DPF3: variants seen among roughly 807,000 people sequenced by gnomAD.
DPF3 encodes double PHD fingers 3.
DPF3 carries 18 observed loss-of-function variants against 56.8 expected under a neutral mutation model. The ratio of observed to expected loss-of-function variants is 0.32; its 90% CI spans 0.22 to 0.47. The LOEUF (loss-of-function observed/expected upper bound fraction) is 0.47. Ranked by LOEUF, DPF3 falls within the 20% of genes least tolerant of loss-of-function variation. DPF3 has a pLI of 1.00. For synonymous variants in DPF3, 188 were observed against 180.2 expected, an observed-to-expected ratio of 1.04 and a Z score of -0.35; for missense variants, 403 against 488.8, an observed-to-expected ratio of 0.82 and a Z score of 1.65.
chr14:72,756,898 A>AAAAAAAGAAAGAAAGAAAGAAAG (rs1890841428), intron 2 of DPF3, among the ~76,000 whole-genome samples: 1 of 42,822 alleles, frequency 2.3e-5, no homozygotes, highest in African/African-American at 1.4e-4. Flanking sequence ...AGAAAGAAAG[A>AAAAAAAGAAAGAAAGAAAGAAAG]AAAGAAAAAA....
At chr14:72,754,335 A>G (rs1890702977) in intron 2 of DPF3, among the ~76,000 whole-genome samples, 1 of 152,186 alleles carries the variant, frequency 6.6e-6, no homozygotes, top group East Asian at 1.9e-4. Flanking sequence ...GATACCCCCC[A>G]TAATAAACCA....
intron 1 of DPF3, among the ~76,000 whole-genome samples, chr14:72,776,450 G>A (rs1891747318): frequency 6.6e-6 from 1 of 152,112 alleles, no homozygotes; most frequent in Non-Finnish European, 1.5e-5. Flanking sequence ...AGCTCTGAGA[G>A]CTGAGTGTTT....
At chr14:72,764,692 C>A (rs932681783) in intron 2 of DPF3, among the ~76,000 whole-genome samples, 6 of 151,804 alleles carry the variant, frequency 4.0e-5, no homozygotes, top group African/African-American at 1.5e-4. Flanking sequence ...GGGGTTTCAC[C>A]GTGTTAGCCA....
chr14:72,720,423 G>A (rs1889119861), intron 5 of DPF3, among the ~76,000 whole-genome samples: 1 of 152,208 alleles, frequency 6.6e-6, no homozygotes, highest in Admixed American at 6.5e-5. Flanking sequence ...CAGGAGGCTT[G>A]CCCACAGCCT....
At chr14:72,824,056 G>A (rs955345239) in intron 1 of DPF3, among the ~76,000 whole-genome samples, 3 of 152,198 alleles carry the variant, frequency 2.0e-5, no homozygotes, top group Middle Eastern at 3.4e-3. Flanking sequence ...GTGAGGAGAG[G>A]CAAAGAAATA....
intron 3 of DPF3, among the ~76,000 whole-genome samples, chr14:72,745,752 C>T (rs1890298279): frequency 6.6e-6 from 1 of 152,190 alleles, no homozygotes; most frequent in Non-Finnish European, 1.5e-5. Context: ...TCTCCAGAGA[C>T]TCTGGCCAAT....
chr14:72,834,560 G>C (rs902806077), intron 1 of DPF3, among the ~76,000 whole-genome samples: 5 of 147,746 alleles, frequency 3.4e-5, no homozygotes, highest in Non-Finnish European at 5.9e-5. Flanking sequence ...GAGTCACAAA[G>C]AGGTAGAGGA....
intron 8 of DPF3, among the ~76,000 whole-genome samples, chr14:72,646,705 G>A (rs1008152754): frequency 1.3e-5 from 2 of 152,124 alleles, no homozygotes; most frequent in East Asian, 1.9e-4. Context: ...GCCTCCATGC[G>A]GAATTTTTCC....
chr14:72,783,556 A>G (rs1599437658), intron 1 of DPF3, among the ~76,000 whole-genome samples: 1 of 152,166 alleles, frequency 6.6e-6, no homozygotes, highest in East Asian at 1.9e-4. Context: ...GCCCAACACA[A>G]CATAAATGAC....
At chr14:72,819,924 T>C (rs1263856972) in intron 1 of DPF3, among the ~76,000 whole-genome samples, 1 of 152,138 alleles carries the variant, frequency 6.6e-6, no homozygotes, top group Admixed American at 6.5e-5. Flanking sequence ...GGCGACAAAG[T>C]GAGAACTTGT....
intron 1 of DPF3, chr14:72,892,087 G>C: frequency 7.4e-7 from 1 of 1,359,774 alleles, no homozygotes; most frequent in Non-Finnish European, 9.6e-7. Flanking sequence ...TACTGCGCCC[G>C]CCCGCGCGAA....
intron 1 of DPF3, among the ~76,000 whole-genome samples, chr14:72,872,981 C>G (rs1037298648): frequency 1.3e-5 from 2 of 152,120 alleles, no homozygotes; most frequent in African/African-American, 4.8e-5. Context: ...AGAAGAAAAC[C>G]TAGGCAATAC....
chr14:72,730,543 G>A (rs1889597820), intron 4 of DPF3, among the ~76,000 whole-genome samples: 1 of 152,118 alleles, frequency 6.6e-6, no homozygotes, highest in Admixed American at 6.5e-5. Flanking sequence ...GGGGACACTG[G>A]TGAGCATGAC....
chr14:72,879,095 C>A (rs578181531), intron 1 of DPF3, among the ~76,000 whole-genome samples: 62 of 152,318 alleles, frequency 4.1e-4, no homozygotes, highest in African/African-American at 1.5e-3. Flanking sequence ...GACAGAAAGG[C>A]ACATGTGGCC....
intron 8 of DPF3, chr14:72,661,518 G>A (rs1886210430): frequency 2.0e-6 from 2 of 985,470 alleles, no homozygotes; most frequent in Admixed American, 6.1e-5. Context: ...GTGCAGTGGG[G>A]AGCCTGCGGG....
At chr14:72,827,444 C>T (rs1196295596) in intron 1 of DPF3, among the ~76,000 whole-genome samples, 1 of 144,678 alleles carries the variant, frequency 6.9e-6, no homozygotes, top group Non-Finnish European at 1.5e-5. Flanking sequence ...GGTTTTTCTA[C>T]TTGGTATACC....
rs1404184609 is a variant in DPF3, at chr14:72,637,911, C to T, written c.872-8175G>A. On this transcript the variant is annotated intron_variant, in intron 8 of 10. Transcript: ENST00000556509. ...CCAGTCCGATCCAATGTCGACACAA[C>T]AAAAGATGGCCAAGACAGAAAGCAA... Among the ~76,000 whole-genome samples the T allele has an allele frequency of 3.3e-5, 5 of 152,110 alleles. No homozygotes were observed. In the East Asian group the frequency reaches 5.8e-4, roughly 18 times the overall value.
chr14:72,723,781 A>G (rs1351191032), intron 4 of DPF3, 53 bp from the exon 5 acceptor site: 1 of 1,494,288 alleles, frequency 6.7e-7, no homozygotes, highest in Non-Finnish European at 9.1e-7. Flanking sequence ...CAAAGGGAAA[A>G]ACCATCAGAG....
At chr14:72,813,176 A>G (rs2140021223) in intron 1 of DPF3, among the ~76,000 whole-genome samples, 1 of 152,176 alleles carries the variant, frequency 6.6e-6, no homozygotes, top group Non-Finnish European at 1.5e-5. Context: ...GAGAAACCAG[A>G]GGGTTTTGAG....
Sources: allele counts gnomAD v4.1 joint callset (sites outside exome capture counted in the v4.1 genomes callset), GRCh38; gene constraint gnomAD v4.1.1; transcripts MANE v1.5; gene names NCBI Gene and HGNC (gene_info 2026-07-23, HGNC 2026-07-21).